FHOD3: variants seen among roughly 807,000 people sequenced by gnomAD.
FHOD3 encodes the protein FH1/FH2 domain-containing protein 3.
A neutral mutation model predicts 173.0 loss-of-function variants in FHOD3; 90 were observed. The ratio of observed to expected loss-of-function variants is 0.52; its 90% CI spans 0.44 to 0.62. The LOEUF (loss-of-function observed/expected upper bound fraction) is 0.62, where lower values mean the gene tolerates loss of function less well. Among genes scored for constraint, FHOD3 ranks in the 20% least tolerant of loss-of-function variants. FHOD3 has a pLI of 0.00. For synonymous variants in FHOD3, 828 were observed against 823.0 expected, an observed-to-expected ratio of 1.01 and a Z score of -0.10; for missense variants, 1,945 against 2,034.7, an observed-to-expected ratio of 0.96 and a Z score of 0.85.
intron 14 of FHOD3, among the ~76,000 whole-genome samples, chr18:36,663,715 A>G (rs1019679154): frequency 6.6e-6 from 1 of 152,184 alleles, no homozygotes; most frequent in African/African-American, 2.4e-5. Flanking sequence ...CTCCCTCAGA[A>G]TTCAGGTTTC....
intron 3 of FHOD3, among the ~76,000 whole-genome samples, chr18:36,476,223 C>T (rs749166156): frequency 1.3e-5 from 2 of 152,230 alleles, no homozygotes; most frequent in East Asian, 1.9e-4. Flanking sequence ...TTGCTGGCTG[C>T]GACAGCTCCT....
In FHOD3 at chr18:36,718,721, G is replaced by T. The variant is rs766682694; in HGVS notation, c.3417+6G>T. 5 of 1,607,476 alleles carry T rather than the reference G, an allele frequency of 3.1e-6. No individual in the cohort carries two copies. The South Asian group carries it at 3.3e-5, about 11-fold the overall frequency. On this transcript the variant is annotated splice_donor_region_variant and intron_variant, in intron 19 of 28. Coordinates refer to ENST00000590592, the MANE Select transcript of FHOD3 (RefSeq NM_001281740.3). ...AGGAACTGTCTGTCTCAAAGGTACT[G>T]CTAGTCTTCAGCATGCTTCTTGATT... is the stretch of plus-strand genomic sequence containing the variant.
intron 3 of FHOD3, among the ~76,000 whole-genome samples, chr18:36,406,194 C>G (rs780189661): frequency 1.3e-5 from 2 of 151,850 alleles, no homozygotes. Flanking sequence ...GAATGCTCAT[C>G]ATGCTGGTGC....
chr18:36,488,563 G>A (rs2054305884), intron 3 of FHOD3, among the ~76,000 whole-genome samples: 3 of 152,182 alleles, frequency 2.0e-5, no homozygotes, highest in Non-Finnish European at 2.9e-5. Context: ...GAGGACATTA[G>A]GTATTTTTTA....
chr18:36,507,149 T>C (rs573179412), intron 4 of FHOD3, among the ~76,000 whole-genome samples: 5 of 152,368 alleles, frequency 3.3e-5, no homozygotes, highest in African/African-American at 1.2e-4. Context: ...GGAAAATGAT[T>C]GCATATTTGT....
intron 14 of FHOD3, among the ~76,000 whole-genome samples, chr18:36,661,442 A>G (rs1400014824): frequency 6.6e-6 from 1 of 152,182 alleles, no homozygotes; most frequent in African/African-American, 2.4e-5. Context: ...ATTATCAATA[A>G]TGGTTACATT....
chr18:36,627,140 A>C (rs2034170465), intron 10 of FHOD3, among the ~76,000 whole-genome samples: 2 of 152,198 alleles, frequency 1.3e-5, no homozygotes, highest in African/African-American at 2.4e-5. Context: ...GTGATCTAGA[A>C]TCTTAAAGAA....
intron 21 of FHOD3, among the ~76,000 whole-genome samples, chr18:36,741,415 G>C (rs2041896427): frequency 1.3e-5 from 2 of 152,172 alleles, no homozygotes; most frequent in African/African-American, 2.4e-5. Context: ...AGAAAAGGAG[G>C]AGATGGAAAG....
chr18:36,383,137 G>C lies in FHOD3; in HGVS notation c.337+10393G>C, dbSNP rs73418906. Reference sequence around the variant, plus strand: ...GGGATAGCGTTGGCCAGCCCTTCCAGCCCTGCTGTGTTCTGTTCTTGGGCA... The same window carrying C: ...GGGATAGCGTTGGCCAGCCCTTCCACCCCTGCTGTGTTCTGTTCTTGGGCA... On this transcript the variant is annotated intron_variant, in intron 3 of 28. Transcript: ENST00000590592. 5.9e-3 allele frequency among the ~76,000 whole-genome samples: 898 copies of C among 152,298 alleles called. 8 individuals are homozygous for C. The highest frequency in any genetic ancestry group is 0.02 in the African/African-American group (845 of 41,554).
chr18:36,354,014 G>T (rs2046248953), intron 1 of FHOD3, among the ~76,000 whole-genome samples: 1 of 152,130 alleles, frequency 6.6e-6, no homozygotes, highest in Middle Eastern at 3.2e-3. Context: ...CAAGCCTGTT[G>T]GGGGCCTTCT....
At chr18:36,612,463 C>T (rs139201212) in intron 9 of FHOD3, among the ~76,000 whole-genome samples, 128 of 152,286 alleles carry the variant, frequency 8.4e-4, no homozygotes, top group African/African-American at 3.0e-3. Flanking sequence ...TGGGGTGGAA[C>T]TTCAGGCAGG....
At chr18:36,541,269 A>G (rs1453103217) in intron 5 of FHOD3, among the ~76,000 whole-genome samples, 13 of 146,840 alleles carry the variant, frequency 8.9e-5, no homozygotes, top group South Asian at 2.2e-4. Flanking sequence ...AAAAAAAAAA[A>G]AAAGAAAGAA....
intron 7 of FHOD3, among the ~76,000 whole-genome samples, chr18:36,595,900 TTTATGA>T (rs1203535120): frequency 3.9e-5 from 6 of 152,238 alleles, no homozygotes; most frequent in African/African-American, 1.4e-4. Context: ...ACTTTTTCTT[TTTATGA>T]TTATAACTGT....
chr18:36,754,729 C>T (rs1401547242), intron 24 of FHOD3, among the ~76,000 whole-genome samples: 1 of 151,596 alleles, frequency 6.6e-6, no homozygotes, highest in Non-Finnish European at 1.5e-5. Context: ...CAATACTTTT[C>T]GAAAATACCA....
intron 4 of FHOD3, among the ~76,000 whole-genome samples, chr18:36,509,442 G>GA (rs60899667): frequency 1.5e-4 from 9 of 60,542 alleles, no homozygotes; most frequent in Non-Finnish European, 1.9e-4. Context: ...AAAAAAAAAA[G>GA]AAAAAAAAAA....
At chr18:36,335,860 G>A (rs1293633680) in intron 1 of FHOD3, among the ~76,000 whole-genome samples, 1 of 152,202 alleles carries the variant, frequency 6.6e-6, no homozygotes, top group African/African-American at 2.4e-5. Flanking sequence ...AGGAACTAAA[G>A]CCTGAATGGT....
chr18:36,497,746 A>C (rs1387762272), intron 3 of FHOD3, among the ~76,000 whole-genome samples: 1 of 152,216 alleles, frequency 6.6e-6, no homozygotes, highest in Non-Finnish European at 1.5e-5. Flanking sequence ...ACACAAATCC[A>C]CTGTAATAGT....
intron 2 of FHOD3, among the ~76,000 whole-genome samples, chr18:36,356,476 C>T (rs903442554): frequency 6.6e-6 from 1 of 152,118 alleles, no homozygotes; most frequent in Middle Eastern, 3.2e-3. Context: ...TGGGGCCCCA[C>T]CTTTTTCCTT....
chr18:36,521,535 A>T (rs2056274641), intron 5 of FHOD3, among the ~76,000 whole-genome samples: 2 of 151,968 alleles, frequency 1.3e-5, no homozygotes, highest in African/African-American at 4.8e-5. Context: ...TCACCCACCA[A>T]ATTAGGGCTT....
Sources: gnomAD v4.1 joint callset for allele counts (sites outside exome capture counted in the v4.1 genomes callset) on GRCh38, gnomAD v4.1.1 for gene constraint, MANE v1.5 for transcripts, NCBI Gene and HGNC (gene_info 2026-07-23, HGNC 2026-07-21) for gene names.